Variants in CFAP299 observed in about 807,000 individuals in gnomAD.
CFAP299 encodes the protein cilia and flagella associated protein 299.
Under a neutral mutation model 27.0 loss-of-function variants are expected in CFAP299, and 21 were observed. The observed-to-expected ratio is 0.78, with a 90% CI of 0.55 to 1.12. The LOEUF is 1.12. Ranked by LOEUF, CFAP299 falls within the 50% of genes most tolerant of loss-of-function variation. CFAP299 has a pLI of 0.00. For missense variants in CFAP299, 310 were observed against 276.6 expected, an observed-to-expected ratio of 1.12 and a Z score of -0.86; for synonymous variants, 104 against 98.1, an observed-to-expected ratio of 1.06 and a Z score of -0.36.
intron 1 of CFAP299, among the ~76,000 whole-genome samples, chr4:80,355,354 C>CTTTTTTTTTTTTT (rs70944772): frequency 1.0e-5 from 1 of 95,522 alleles, no homozygotes; most frequent in Non-Finnish European, 1.9e-5. Flanking sequence ...ATGTCCTTTG[C>CTTTTTTTTTTTTT]TTTTTTTTTT....
Position 80,581,453 on chromosome 4 carries a change from G to GATATATATATATATATATATATATAT in CFAP299, c.243-1629_243-1604dup, listed in dbSNP as rs70944794. Among the ~76,000 whole-genome samples, 51 of 102,982 alleles carry GATATATATATATATATATATATATAT rather than the reference G, an allele frequency of 5.0e-4. 1 individual carries two copies. The highest frequency in any genetic ancestry group is 9.4e-4 in the African/African-American group (15 of 15,924). 67.6% of individuals were successfully genotyped at this position (102,982 alleles called of 152,430 possible). On this transcript the variant is annotated intron_variant, in intron 2 of 5. Transcript: ENST00000358105. ...TGATATATATATAGATATTAAGTGA[G>GATATATATATATATATATATATATAT]ATATATATATATATATATATATATA... is the stretch of plus-strand genomic sequence containing the variant.
chr4:80,783,470 T>C (rs1014953127), intron 3 of CFAP299, among the ~76,000 whole-genome samples: 2 of 152,188 alleles, frequency 1.3e-5, no homozygotes, highest in African/African-American at 2.4e-5. Flanking sequence ...TATTAAGTGG[T>C]GCCATTATTA....
intron 2 of CFAP299, 31 bp downstream of exon 2, chr4:80,362,915 A>T: frequency 6.3e-7 from 1 of 1,591,374 alleles, no homozygotes; most frequent in Non-Finnish European, 8.5e-7. Context: ...TCCAGATTTT[A>T]TGTTATATTC....
chr4:80,868,808 TAA>T (rs145828402), intron 3 of CFAP299, among the ~76,000 whole-genome samples: 1,620 of 151,372 alleles, frequency 0.011, 25 homozygotes, highest in African/African-American at 0.036. Context: ...GCTGGAGAAA[TAA>T]GTTTGGTTCA....
chr4:80,403,537 C>A (rs924447031), intron 2 of CFAP299, among the ~76,000 whole-genome samples: 28 of 152,202 alleles, frequency 1.8e-4, no homozygotes, highest in Admixed American at 9.8e-4. Context: ...ATTCTTTCTG[C>A]TTGAAAAGCT....
chr4:80,902,608 C>T (rs1044794379), intron 4 of CFAP299, among the ~76,000 whole-genome samples: 3 of 149,120 alleles, frequency 2.0e-5, no homozygotes, highest in African/African-American at 7.4e-5. Flanking sequence ...CACACACACA[C>T]ACACACACAC....
chr4:80,497,053 G>T (rs1188487070), intron 2 of CFAP299, among the ~76,000 whole-genome samples: 1 of 152,036 alleles, frequency 6.6e-6, no homozygotes, highest in Non-Finnish European at 1.5e-5. Flanking sequence ...CTCCCACCAG[G>T]CCCCACCTTC....
chr4:80,806,546 T>G (rs1728874959), intron 3 of CFAP299, among the ~76,000 whole-genome samples: 1 of 152,234 alleles, frequency 6.6e-6, no homozygotes, highest in Non-Finnish European at 1.5e-5. Flanking sequence ...AGAGGTACAT[T>G]ACAAACAAAC....
the CFAP299 span, among the ~76,000 whole-genome samples, chr4:80,330,319 C>T: frequency 1.7e-3 from 260 of 152,228 alleles, 3 homozygotes; most frequent in African/African-American, 5.9e-3. Context: ...CTGATGATCA[C>T]GTCTTTGCAA....
chr4:80,360,887 C>G (rs1723511122), intron 1 of CFAP299, among the ~76,000 whole-genome samples: 1 of 152,074 alleles, frequency 6.6e-6, no homozygotes, highest in Non-Finnish European at 1.5e-5. Flanking sequence ...CTTTGTGGCC[C>G]TTACATACAT....
intron 1 of CFAP299, among the ~76,000 whole-genome samples, chr4:80,348,592 AC>A (rs1722862844): frequency 6.6e-6 from 1 of 152,226 alleles, no homozygotes; most frequent in Admixed American, 6.5e-5. Context: ...ATACCATCTC[AC>A]GCCAGTAAGA....
At chr4:80,486,932 A>T (rs1730849275) in intron 2 of CFAP299, among the ~76,000 whole-genome samples, 1 of 152,240 alleles carries the variant, frequency 6.6e-6, no homozygotes, top group Admixed American at 6.5e-5. Flanking sequence ...ATTAAATGTC[A>T]GTAATGCACA....
At chr4:80,458,171 A>T (rs1729258608) in intron 2 of CFAP299, among the ~76,000 whole-genome samples, 1 of 152,238 alleles carries the variant, frequency 6.6e-6, no homozygotes. Flanking sequence ...AAGGAAAAGG[A>T]TCAATAACAA....
intron 2 of CFAP299, among the ~76,000 whole-genome samples, chr4:80,577,218 G>A (rs1735914162): frequency 6.6e-6 from 1 of 152,098 alleles, no homozygotes; most frequent in South Asian, 2.1e-4. Context: ...TGATTATAAT[G>A]AAGTTATAAA....
chr4:80,642,044 G>T (rs553905569), intron 3 of CFAP299, among the ~76,000 whole-genome samples: 2 of 152,284 alleles, frequency 1.3e-5, no homozygotes, highest in South Asian at 4.2e-4. Context: ...GGGGCAGAAA[G>T]GTTCTGCATT....
intron 3 of CFAP299, among the ~76,000 whole-genome samples, chr4:80,868,281 T>C (rs186588239): frequency 6.6e-6 from 1 of 152,312 alleles, no homozygotes; most frequent in East Asian, 1.9e-4. Context: ...TAGAATCACT[T>C]CCTTTTGCCT....
rs146176655 is a variant in CFAP299 at position 80,503,865 on chromosome 4, A to G, written c.243-79228A>G. Among the ~76,000 whole-genome samples the G allele has an allele frequency of 6.0e-3, 909 of 152,202 alleles. 9 individuals carry two copies. Among genetic ancestry groups the G allele is most frequent in the African/African-American group, 0.02 (851 of 41,548 alleles). ...TTAATGTTCAGTCTTTAGTTAGTTG[A>G]TGGGGTGGCATTTCCTATTATGCAT... On this transcript the variant is annotated intron_variant, in intron 2 of 5. Coordinates refer to ENST00000358105, the MANE Select transcript of CFAP299 (RefSeq NM_152770.3).
chr4:80,619,001 G>A (rs950164711), intron 3 of CFAP299, among the ~76,000 whole-genome samples: 2 of 151,990 alleles, frequency 1.3e-5, no homozygotes, highest in East Asian at 1.9e-4. Flanking sequence ...TATTACTTAA[G>A]GGATCTTTGG....
intron 2 of CFAP299, chr4:80,387,789 G>A (rs1239188700): frequency 1.9e-6 from 3 of 1,584,640 alleles, no homozygotes; most frequent in South Asian, 1.1e-5. Flanking sequence ...CACAGTATGG[G>A]CACTTGAGTT....
Sources: gnomAD v4.1 joint callset for allele counts (sites outside exome capture counted in the v4.1 genomes callset) on GRCh38, gnomAD v4.1.1 for gene constraint, MANE v1.5 for transcripts, NCBI Gene and HGNC (gene_info 2026-07-23, HGNC 2026-07-21) for gene names.